The following PHACTR2 variants were observed in gnomAD, a reference collection of about 807,000 sequenced individuals.
PHACTR2 encodes the protein phosphatase and actin regulator 2.
Under a neutral mutation model 76.0 loss-of-function variants are expected in PHACTR2, and 30 were observed. The observed-to-expected ratio is 0.39, with a 90% CI of 0.30 to 0.54. The LOEUF is 0.54. PHACTR2 is among the 20% of genes least tolerant of loss of function. PHACTR2 has a pLI of 0.61. For missense variants in PHACTR2, 696 were observed against 781.1 expected (o/e 0.89, Z 1.30); for synonymous variants, 292 against 292.5 (o/e 1.00, Z 0.02).
At position 143,809,714 on chromosome 6, in the gene PHACTR2, GTATATA is replaced by G. The variant is rs111770800; in HGVS notation, c.1922+2593_1922+2598del. 1.3e-5 allele frequency among the ~76,000 whole-genome samples: 2 copies of G among 149,344 alleles called. No homozygotes were observed. The highest frequency in any genetic ancestry group is 4.9e-5 in the African/African-American group (2 of 40,640). The stretch of plus-strand genomic sequence containing the variant: ...TGCATTTATAAATGTGTGTATGTGT[GTATATA>G]TATATATATATTAAATATGTGTATG... On this transcript the variant is annotated intron_variant, in intron 12 of 12. Coordinates refer to ENST00000440869, the MANE Select transcript of PHACTR2 (RefSeq NM_001100164.2). This position sits in a 1 kb window ranked among gnomAD's most constrained non-coding sequence, Gnocchi z 4.2.
chr6:143,669,700 C>CTT (rs140729663), intron 1 of PHACTR2, among the ~76,000 whole-genome samples: 8 of 149,200 alleles, frequency 5.4e-5, no homozygotes, highest in Non-Finnish European at 1.0e-4. Flanking sequence ...GCAACCCCTG[C>CTT]TTTTTTTTTT....
chr6:143,797,913 A>G (rs1263858737), intron 11 of PHACTR2, among the ~76,000 whole-genome samples: 1 of 152,182 alleles, frequency 6.6e-6, no homozygotes, highest in Non-Finnish European at 1.5e-5. Context: ...GGTTTAAAGT[A>G]GTTTTTTCCA....
chr6:143,804,345 A>G (rs1776021960), intron 11 of PHACTR2, among the ~76,000 whole-genome samples: 1 of 151,942 alleles, frequency 6.6e-6, no homozygotes, highest in South Asian at 2.1e-4. Context: ...TTTTTTTTAC[A>G]TGGCAGCTGG....
intron 1 of PHACTR2, among the ~76,000 whole-genome samples, chr6:143,686,277 C>G (rs1005054282): frequency 9.9e-5 from 15 of 151,956 alleles, no homozygotes; most frequent in African/African-American, 3.6e-4. Flanking sequence ...AGTCAAGCAT[C>G]AAGAGACTTG....
rs2128463674 is a variant in PHACTR2, at chr6:143,722,737, C to A, written c.214+10554C>A. Among the ~76,000 whole-genome samples, 1 of 152,132 alleles carries A rather than the reference C, an allele frequency of 6.6e-6. No homozygotes were observed. Among genetic ancestry groups the A allele is most frequent in the South Asian group, 2.1e-4 (1 of 4,818 alleles). On this transcript the variant is annotated intron_variant, in intron 2 of 12. Transcript: ENST00000440869. This position sits in a 1 kb window ranked among gnomAD's most constrained non-coding sequence, Gnocchi z 4.1. ...TTTCTATCTAACTGTACATTTGTACCCCTTAACCATCCCTCCTCCCCACTA... is the reference window on the plus strand; with the variant it reads ...TTTCTATCTAACTGTACATTTGTACACCTTAACCATCCCTCCTCCCCACTA...
At chr6:143,748,670 T>C (rs1202715700) in intron 2 of PHACTR2, among the ~76,000 whole-genome samples, 1 of 152,252 alleles carries the variant, frequency 6.6e-6, no homozygotes, top group Non-Finnish European at 1.5e-5. Flanking sequence ...GAATGCAACA[T>C]TTCTAGCTTC....
At chr6:143,564,169 ATATGTGTGTGTG>A (rs147069728) in intron 1 of PHACTR2, among the ~76,000 whole-genome samples, 36,700 of 96,488 alleles carry the variant, frequency 0.38, 8,268 homozygotes, top group Middle Eastern at 0.48. Context: ...GTGTGTGCAT[ATATGTGTGTGTG>A]TATGTGTGTG....
rs887879398 is a variant in PHACTR2 at position 143,617,124 on chromosome 6, T to G, written c.13+8802T>G. Among the ~76,000 whole-genome samples the G allele has an allele frequency of 6.6e-6, 1 of 152,164 alleles. No individual in the cohort carries two copies. The highest frequency in any genetic ancestry group is 2.4e-5 in the African/African-American group (1 of 41,438). ...TAAGAATGAAATCCACTTAGAAGGC[T>G]CTTGATGGAGGTGGTGGCAGTGGGG... On this transcript the variant is annotated intron_variant, in intron 1 of 11. Coordinates refer to the PHACTR2 transcript ENST00000305766. This position sits in a 1 kb window ranked among gnomAD's most constrained non-coding sequence, Gnocchi z 4.8.
Position 143,547,256 on chromosome 6 carries a change from A to G in PHACTR2, c.217+10049A>G, listed in dbSNP as rs1157436756. ...CTATACCTCAATTGTAGCTCTTTCT[A>G]AAAATCATGTCTACATTTGAGTGAC... is the stretch of plus-strand genomic sequence containing the variant. On this transcript the variant is annotated intron_variant, in intron 1 of 11. Transcript: ENST00000367584. The surrounding 1 kb of genome is among the most constrained non-coding windows in gnomAD (Gnocchi z 4.2). Among the ~76,000 whole-genome samples the G allele has an allele frequency of 6.6e-6, 1 of 152,196 alleles. No individual in the cohort carries two copies. The highest frequency in any genetic ancestry group is 2.4e-5 in the African/African-American group (1 of 41,450).
chr6:143,674,286 A>T (rs903261557), upstream of PHACTR2, among the ~76,000 whole-genome samples: 3 of 152,182 alleles, frequency 2.0e-5, no homozygotes, highest in African/African-American at 7.2e-5. This position sits in a 1 kb window ranked among gnomAD's most constrained non-coding sequence, Gnocchi z 4.9. Context: ...TTTTGAAGAC[A>T]TACAAAGTTT....
chr6:143,717,917 T>C (rs1778339050), intron 2 of PHACTR2, among the ~76,000 whole-genome samples: 1 of 152,130 alleles, frequency 6.6e-6, no homozygotes, highest in Non-Finnish European at 1.5e-5. Context: ...TTAAAAATTA[T>C]AACAAATTAA....
At chr6:143,574,187 A>G (rs1410866805) in intron 1 of PHACTR2, among the ~76,000 whole-genome samples, 1 of 152,226 alleles carries the variant, frequency 6.6e-6, no homozygotes, top group Non-Finnish European at 1.5e-5. Flanking sequence ...GGAAGCTGCT[A>G]GAGGCTCTCA....
chr6:143,792,116 A>T (rs919653374), intron 11 of PHACTR2, among the ~76,000 whole-genome samples: 1 of 152,136 alleles, frequency 6.6e-6, no homozygotes, highest in African/African-American at 2.4e-5. Context: ...TATTTCACCA[A>T]ATCATAAAGA....
At position 143,760,750 on chromosome 6, in the gene PHACTR2, C is replaced by T; in HGVS notation, c.694+110C>T. On this transcript the variant is annotated intron_variant, in intron 5 of 12. Transcript: ENST00000440869. The surrounding 1 kb of genome is among the most constrained non-coding windows in gnomAD (Gnocchi z 6.4). ...GGGCTTTTGGTGTCTTAGGACATTACACCAGCAGGTTCAGCTTTGACACAA... is the reference window on the plus strand; with the variant it reads ...GGGCTTTTGGTGTCTTAGGACATTATACCAGCAGGTTCAGCTTTGACACAA... 8.0e-7 allele frequency: 1 copy of T among 1,255,038 alleles called. No homozygotes were observed. The highest frequency in any genetic ancestry group is 1.1e-6 in the Non-Finnish European group (1 of 916,428). 77.7% of individuals were successfully genotyped at this position (1,255,038 alleles called of 1,614,324 possible).
rs535689098 is a variant in PHACTR2, at chr6:143,646,191, A to T, written c.13+37869A>T. Among the ~76,000 whole-genome samples the T allele has an allele frequency of 6.6e-6, 1 of 152,308 alleles. No individual in the cohort carries two copies. The highest frequency in any genetic ancestry group is 1.9e-4 in the East Asian group (1 of 5,194). ...GCTGGGTACAAGAGAGGTATAAATT[A>T]GGCTCAAATGGGGCCCACAAAGAGC... On this transcript the variant is annotated intron_variant, in intron 1 of 11. Transcript: ENST00000305766. The surrounding 1 kb of genome is among the most constrained non-coding windows in gnomAD (Gnocchi z 4.1).
chr6:143,815,421 A>G (rs1296642010), intron 12 of PHACTR2, among the ~76,000 whole-genome samples: 1 of 152,054 alleles, frequency 6.6e-6, no homozygotes, highest in Non-Finnish European at 1.5e-5. Flanking sequence ...TCTCTTTAAA[A>G]TAAATAAATA....
Position 143,595,097 on chromosome 6 carries a change from G to C in PHACTR2, c.217+57890G>C, listed in dbSNP as rs1775733247. Among the ~76,000 whole-genome samples the C allele has an allele frequency of 6.6e-6, 1 of 152,178 alleles. No individual in the cohort carries two copies. Among genetic ancestry groups the C allele is most frequent in the Non-Finnish European group, 1.5e-5 (1 of 68,030 alleles). On this transcript the variant is annotated intron_variant, in intron 1 of 11. Coordinates refer to the PHACTR2 transcript ENST00000367584. This position sits in a 1 kb window ranked among gnomAD's most constrained non-coding sequence, Gnocchi z 4.2. ...AGGTTTTAGAAGCAAGACAATTTTA[G>C]ATTCTCATAGTAAGAACAAATTTAG...
chr6:143,580,417 G>A lies in PHACTR2; in HGVS notation c.217+43210G>A, dbSNP rs536622182. ...GGAGAATGGCGTGAACCCAGGAGGC[G>A]GGGCTTGCAGTGAGCCGAGATCGTG... On this transcript the variant is annotated intron_variant, in intron 1 of 11. Transcript: ENST00000367584. The surrounding 1 kb of genome is among the most constrained non-coding windows in gnomAD (Gnocchi z 4.2). 5.9e-5 allele frequency among the ~76,000 whole-genome samples: 9 copies of A among 152,190 alleles called. No homozygotes were observed. Among genetic ancestry groups the A allele is most frequent in the Admixed American group, 2.6e-4 (4 of 15,288 alleles).
At chr6:143,544,946 G>GTTT (rs150283208) in intron 1 of PHACTR2, among the ~76,000 whole-genome samples, 4 of 146,534 alleles carry the variant, frequency 2.7e-5, no homozygotes, top group African/African-American at 2.5e-5. Flanking sequence ...AGAGATTTTT[G>GTTT]TTTTTTTTTT....
Sources: allele counts gnomAD v4.1 joint callset (sites outside exome capture counted in the v4.1 genomes callset), GRCh38; gene constraint gnomAD v4.1.1; non-coding constraint Gnocchi (gnomAD v3.1); transcripts MANE v1.5; gene names NCBI Gene and HGNC (gene_info 2026-07-23, HGNC 2026-07-21).